The following FER1L6 variants were observed in gnomAD, a reference collection of about 807,000 sequenced individuals.
The protein encoded by FER1L6 is fer-1 like family member 6, also known as fer-1-like protein 6.
FER1L6 carries 177 observed loss-of-function variants against 219.2 expected under a neutral mutation model. The observed-to-expected ratio is 0.81, with a 90% CI of 0.71 to 0.91. FER1L6 has a LOEUF of 0.91. FER1L6 is among the 40% of genes least tolerant of loss of function. The probability of loss-of-function intolerance (pLI) is 0.00; values close to 1 mark genes in which losing one functional copy is unlikely to be tolerated. For synonymous variants in FER1L6, 768 were observed against 824.3 expected, an observed-to-expected ratio of 0.93 and a Z score of 1.17; for missense variants, 2,153 against 2,259.9, an observed-to-expected ratio of 0.95 and a Z score of 0.96.
Position 124,064,402 on chromosome 8 carries a change from G to A in FER1L6, c.3384G>A (p.Gln1128=). The part of the protein sequence containing the change: ...TESSGAHSSS[Q]DPPADHIYVD... The stretch of plus-strand genomic sequence containing the variant: ...CCTCTGGAGCCCACAGCTCCTCCCA[G>A]GATCCCCCAGCAGATCACATTTATG... The change falls in exon 26 of 41, where the codon CAG becomes CAA. Residue 1128 remains glutamine (Q), a synonymous_variant. Transcript: ENST00000522917. 1.2e-6 allele frequency: 2 copies of A among 1,613,364 alleles called. No homozygotes were observed. Among genetic ancestry groups the A allele is most frequent in the Non-Finnish European group, 1.7e-6 (2 of 1,179,786 alleles).
At chr8:124,039,746 G>T (rs1819391166) in intron 19 of FER1L6, 136 bp from the exon 20 acceptor site, 2 of 1,070,492 alleles carry the variant, frequency 1.9e-6, no homozygotes, top group Admixed American at 4.2e-5. Flanking sequence ...TGTCTCAGAG[G>T]AGGGTGGATG....
chr8:123,929,186 C>T (rs4871436), intron 1 of FER1L6, among the ~76,000 whole-genome samples: 1 of 151,966 alleles, frequency 6.6e-6, no homozygotes, highest in African/African-American at 2.4e-5. Flanking sequence ...TTATGTGATT[C>T]TTTGATTCAT....
intron 21 of FER1L6, among the ~76,000 whole-genome samples, chr8:124,047,159 G>A (rs2130766524): frequency 6.6e-6 from 1 of 152,296 alleles, no homozygotes; most frequent in East Asian, 1.9e-4. Flanking sequence ...CACTCTACTA[G>A]GAAAAATCAG....
chr8:123,978,524 C>A (rs944317341), intron 10 of FER1L6, among the ~76,000 whole-genome samples: 3 of 152,130 alleles, frequency 2.0e-5, no homozygotes, highest in Non-Finnish European at 4.4e-5. Flanking sequence ...TTGAAAAACC[C>A]AACAAACCTT....
At chr8:123,856,298 A>ATATATATGTATGTG (rs1816643718) in intron 1 of FER1L6, among the ~76,000 whole-genome samples, 1 of 72,640 alleles carries the variant, frequency 1.4e-5, no homozygotes, top group African/African-American at 5.3e-5. Context: ...GTGTGTATAT[A>ATATATATGTATGTG]TATATATATA....
chr8:124,017,579 A>C, intron 15 of FER1L6, 49 bp from the exon 16 acceptor site: 1 of 1,396,566 alleles, frequency 7.2e-7, no homozygotes, highest in Non-Finnish European at 1.0e-6. Context: ...GAATTATATA[A>C]ATGGATTTTC....
intron 32 of FER1L6, 110 bp downstream of exon 32, chr8:124,076,435 G>A (rs1195356907): frequency 4.6e-6 from 5 of 1,083,426 alleles, no homozygotes; most frequent in Non-Finnish European, 6.9e-6. Flanking sequence ...ATGGTTCCAG[G>A]AGGTTAAATA....
intron 18 of FER1L6, 47 bp downstream of exon 18, chr8:124,023,643 CTAGGGTG>C: frequency 3.1e-6 from 5 of 1,594,026 alleles, no homozygotes; most frequent in Non-Finnish European, 4.3e-6. Flanking sequence ...TTCTGTTTCT[CTAGGGTG>C]GCTCAGACTT....
chr8:124,050,710 C>G (rs1437313855), intron 22 of FER1L6, among the ~76,000 whole-genome samples: 1 of 152,052 alleles, frequency 6.6e-6, no homozygotes, highest in Non-Finnish European at 1.5e-5. Flanking sequence ...TGTCAGCAGA[C>G]CTGGCATGAC....
chr8:124,114,919 A>G (rs972683746), intron 39 of FER1L6, among the ~76,000 whole-genome samples: 1 of 139,194 alleles, frequency 7.2e-6, no homozygotes, highest in African/African-American at 2.9e-5. Context: ...ATATATATAT[A>G]TATATATATA....
At chr8:124,056,126 T>G (rs905012369) in intron 22 of FER1L6, among the ~76,000 whole-genome samples, 4 of 152,210 alleles carry the variant, frequency 2.6e-5, no homozygotes, top group Non-Finnish European at 5.9e-5. Context: ...TTTAATCACA[T>G]CTGCCACATC....
intron 31 of FER1L6, among the ~76,000 whole-genome samples, chr8:124,072,827 C>T (rs1486904560): frequency 1.3e-5 from 2 of 152,162 alleles, no homozygotes; most frequent in African/African-American, 2.4e-5. Flanking sequence ...ATGCTTTAGA[C>T]TAACCTTTTC....
At position 124,088,174 on chromosome 8, in the gene FER1L6, C is replaced by T. The variant is rs140198073; in HGVS notation, c.4392-3249C>T. Among the ~76,000 whole-genome samples, 782 of 152,246 alleles carry T rather than the reference C, an allele frequency of 5.1e-3. 7 individuals carry two copies. Among genetic ancestry groups the T allele is most frequent in the African/African-American group, 0.017 (694 of 41,534 alleles). On this transcript the variant is annotated intron_variant, in intron 33 of 40. Transcript: ENST00000522917. The stretch of plus-strand genomic sequence containing the variant: ...TGGGTCTGGAGATGCCATCTGGGAG[C>T]CAAGGGCTGGAGTTAGGAACCTTAG...
chr8:123,932,398 CG>C (rs2129927553), intron 1 of FER1L6, among the ~76,000 whole-genome samples: 1 of 152,294 alleles, frequency 6.6e-6, no homozygotes, highest in Non-Finnish European at 1.5e-5. Context: ...TGTGAGCCAC[CG>C]TGCCAGGCTC....
chr8:123,936,611 G>A (rs1299734937), intron 1 of FER1L6, among the ~76,000 whole-genome samples: 1 of 151,960 alleles, frequency 6.6e-6, no homozygotes, highest in African/African-American at 2.4e-5. Context: ...TACAACAAAA[G>A]CAGATATGTA....
intron 1 of FER1L6, among the ~76,000 whole-genome samples, chr8:123,890,534 A>T (rs891398777): frequency 4.0e-5 from 6 of 151,434 alleles, no homozygotes; most frequent in Admixed American, 3.9e-4. Context: ...ATTTCCAACA[A>T]GTTATCATTT....
At chr8:123,869,864 G>A (rs1266316270) in intron 1 of FER1L6, among the ~76,000 whole-genome samples, 1 of 152,196 alleles carries the variant, frequency 6.6e-6, no homozygotes, top group African/African-American at 2.4e-5. Context: ...GAACAGCATG[G>A]AGAACCTGGA....
Position 124,119,777 on chromosome 8 carries a change from T to C in FER1L6, c.5561T>C (p.Val1854Ala), listed in dbSNP as rs770454693. The C allele has an allele frequency of 2.4e-5, 39 of 1,613,838 alleles. No homozygotes were observed. The highest frequency in any genetic ancestry group is 3.1e-5 in the Non-Finnish European group (37 of 1,179,944). Residue 1854 changes from valine to alanine, a missense_variant, in exon 41 of 41, where the codon GTT becomes GCT. Coordinates refer to ENST00000522917, the MANE Select transcript of FER1L6 (RefSeq NM_001039112.2). ...TLPGAISRRI[V>A]VGS ...CCAGGAGCCATCAGCCGAAGGATCG[T>C]TGTGGGCTCATAGAGGATCATGGAG...
chr8:124,102,224 C>A (rs1215547006), intron 38 of FER1L6, among the ~76,000 whole-genome samples: 1 of 152,046 alleles, frequency 6.6e-6, no homozygotes, highest in Admixed American at 6.6e-5. Context: ...TTTTAGAATG[C>A]CTTTGGTGGA....
Sources: gnomAD v4.1 joint callset for allele counts (sites outside exome capture counted in the v4.1 genomes callset) on GRCh38, gnomAD v4.1.1 for gene constraint, MANE v1.5 for transcripts, NCBI Gene and HGNC (gene_info 2026-07-23, HGNC 2026-07-21) for gene names.